The following HDAC9 variants were observed in gnomAD, a reference collection of about 807,000 sequenced individuals.
HDAC9 encodes MEF-2 interacting transcription repressor (MITR) protein.
HDAC9 carries 41 observed loss-of-function variants against 139.4 expected under a neutral mutation model. The observed-to-expected ratio is 0.29, with a 90% CI of 0.23 to 0.38. HDAC9 has a LOEUF of 0.38. Ranked by LOEUF, HDAC9 falls within the 10% of genes least tolerant of loss-of-function variation. HDAC9 has a pLI of 1.00. For synonymous variants in HDAC9, 517 were observed against 476.2 expected, an observed-to-expected ratio of 1.09 and a Z score of -1.12; for missense variants, 1,147 against 1,297.0, an observed-to-expected ratio of 0.88 and a Z score of 1.78.
At chr7:18,964,192 C>T (rs1783705079) in intron 24 of HDAC9, among the ~76,000 whole-genome samples, 1 of 152,190 alleles carries the variant, frequency 6.6e-6, no homozygotes, top group African/African-American at 2.4e-5. Flanking sequence ...CTTGACCCAA[C>T]TTACCTTCTT....
At chr7:18,233,865 A>G (rs1037736955) in intron 2 of HDAC9, among the ~76,000 whole-genome samples, 1 of 152,160 alleles carries the variant, frequency 6.6e-6, no homozygotes, top group African/African-American at 2.4e-5. Flanking sequence ...CAAGGTCCAC[A>G]TTGGAGAGCT....
chr7:18,820,450 C>T (rs1585096933), intron 17 of HDAC9, among the ~76,000 whole-genome samples: 1 of 152,140 alleles, frequency 6.6e-6, no homozygotes, highest in African/African-American at 2.4e-5. Flanking sequence ...TTCACAGTTT[C>T]ATCAAATCAA....
intron 2 of HDAC9, chr7:18,496,595 G>A (rs1797001913): frequency 4.5e-6 from 2 of 440,446 alleles, no homozygotes; most frequent in Non-Finnish European, 8.1e-6. Context: ...AATGTAGTTG[G>A]GGGTGTTTTG....
chr7:18,784,569 G>C (rs1791536196), intron 16 of HDAC9, among the ~76,000 whole-genome samples: 1 of 151,896 alleles, frequency 6.6e-6, no homozygotes. Context: ...CAGAAGCACA[G>C]AGACTTCTGG....
intron 17 of HDAC9, among the ~76,000 whole-genome samples, chr7:18,798,034 A>G (rs967843448): frequency 1.3e-5 from 2 of 152,046 alleles, no homozygotes; most frequent in Non-Finnish European, 2.9e-5. Flanking sequence ...CCTTTGCACC[A>G]TAATTTATAT....
rs185013089 is a variant in HDAC9, at chr7:18,568,842, G to T, written c.23-16439G>T. ...GCGGGTGGATCACCTGAGGTTGGGA[G>T]TTCGAGACCAGCCTGACCAATATAG... On this transcript the variant is annotated intron_variant, in intron 2 of 25. Coordinates refer to ENST00000686413, the MANE Select transcript of HDAC9 (RefSeq NM_178425.4). Among the ~76,000 whole-genome samples the T allele has an allele frequency of 6.3e-4, 96 of 152,176 alleles. 1 individual carries two copies. The highest frequency in any genetic ancestry group is 2.1e-3 in the African/African-American group (89 of 41,522).
chr7:18,587,261 G>A (rs1046491607), intron 3 of HDAC9, among the ~76,000 whole-genome samples: 1 of 152,118 alleles, frequency 6.6e-6, no homozygotes, highest in African/African-American at 2.4e-5. Flanking sequence ...AAACAATAGT[G>A]TTGGTTTATT....
In HDAC9 at chr7:18,153,335, C is replaced by T. The variant is rs1005976287; in HGVS notation, c.-96-8894C>T. ...GCCTGAGCATAGGGGCTCAAGAGCC[C>T]TGTTATGGAATTTTCTGGGGTCAAA... On this transcript the variant is annotated intron_variant, in intron 1 of 12. Coordinates refer to the HDAC9 transcript ENST00000417496. Among the ~76,000 whole-genome samples the T allele has an allele frequency of 3.7e-5, 5 of 134,482 alleles. No individual in the cohort carries two copies. In the East Asian group the frequency reaches 6.9e-4, roughly 19 times the overall value. 88.2% of individuals were successfully genotyped at this position (134,482 alleles called of 152,430 possible). A position where few individuals can be genotyped will look rare whatever the true frequency, so the allele number is the denominator to read the frequency against.
chr7:18,232,615 T>A (rs1793537438), intron 2 of HDAC9, among the ~76,000 whole-genome samples: 1 of 152,232 alleles, frequency 6.6e-6, no homozygotes, highest in Non-Finnish European at 1.5e-5. Context: ...TAATGAATTC[T>A]TGTATCTCTA....
At chr7:18,379,744 G>A (rs927366332) in intron 1 of HDAC9, among the ~76,000 whole-genome samples, 1 of 152,182 alleles carries the variant, frequency 6.6e-6, no homozygotes, top group African/African-American at 2.4e-5. Flanking sequence ...TGACTTCATT[G>A]TGTAGTTTTT....
intron 22 of HDAC9, among the ~76,000 whole-genome samples, chr7:18,877,304 T>C (rs1799392031): frequency 6.6e-6 from 1 of 152,192 alleles, no homozygotes; most frequent in South Asian, 2.1e-4. Flanking sequence ...ACCTGGCAGA[T>C]GCATTCATAT....
upstream of HDAC9, among the ~76,000 whole-genome samples, chr7:18,287,449 C>T (rs1273810410): frequency 1.3e-5 from 2 of 152,148 alleles, no homozygotes; most frequent in East Asian, 1.9e-4. Context: ...GATTGAGCAA[C>T]CAGTAATCAT....
chr7:18,748,835 G>A (rs895545965), intron 13 of HDAC9, among the ~76,000 whole-genome samples, 170 bp from the exon 14 acceptor site: 3 of 152,136 alleles, frequency 2.0e-5, no homozygotes, highest in Admixed American at 6.6e-5. Context: ...CAGATAGACA[G>A]GTCTCAATAG....
intron 16 of HDAC9, among the ~76,000 whole-genome samples, chr7:18,773,814 C>A (rs1790526159): frequency 6.6e-6 from 1 of 152,024 alleles, no homozygotes. Context: ...TTGTATTTTT[C>A]ATCTGTCATA....
intron 1 of HDAC9, among the ~76,000 whole-genome samples, chr7:18,150,682 A>G (rs953437763): frequency 4.6e-5 from 7 of 152,190 alleles, no homozygotes; most frequent in African/African-American, 1.7e-4. Flanking sequence ...GTATTCATCC[A>G]CATCACTCTC....
chr7:18,811,651 A>G (rs914473413), intron 17 of HDAC9, among the ~76,000 whole-genome samples: 1 of 151,730 alleles, frequency 6.6e-6, no homozygotes, highest in East Asian at 1.9e-4. Context: ...ATAATTTTTT[A>G]TCTCTTCCTA....
intron 21 of HDAC9, among the ~76,000 whole-genome samples, chr7:18,861,040 C>T (rs1019595918): frequency 3.3e-5 from 5 of 152,114 alleles, no homozygotes; most frequent in South Asian, 2.1e-4. Context: ...GCTTATGAAA[C>T]CAAATACATA....
chr7:18,937,569 T>G (rs956354375), intron 23 of HDAC9, among the ~76,000 whole-genome samples: 1 of 152,188 alleles, frequency 6.6e-6, no homozygotes, highest in African/African-American at 2.4e-5. Flanking sequence ...ATTTTATAAG[T>G]TGATGTTGGG....
chr7:18,508,440 A>G (rs1215555084), intron 2 of HDAC9, among the ~76,000 whole-genome samples: 2 of 152,230 alleles, frequency 1.3e-5, no homozygotes, highest in African/African-American at 2.4e-5. Context: ...AGCAGTAGGT[A>G]GGTAAGGGAA....
Sources: allele counts gnomAD v4.1 joint callset (sites outside exome capture counted in the v4.1 genomes callset), GRCh38; gene constraint gnomAD v4.1.1; transcripts MANE v1.5; gene names NCBI Gene and HGNC (gene_info 2026-07-23, HGNC 2026-07-21).